Variants in PTN observed in about 807,000 individuals in gnomAD.
The protein encoded by PTN is heparin affin regulatory protein.
A neutral mutation model predicts 24.1 loss-of-function variants in PTN; 18 were observed. That is an observed-to-expected ratio of 0.75 (90% CI 0.52 to 1.11). PTN has a LOEUF of 1.11. Ranked by LOEUF, PTN falls within the 50% of genes least tolerant of loss-of-function variation. The pLI is 0.00. For synonymous variants in PTN, 78 were observed against 68.6 expected, an observed-to-expected ratio of 1.14 and a Z score of -0.67; for missense variants, 163 against 198.8, an observed-to-expected ratio of 0.82 and a Z score of 1.08.
chr7:137,290,121 G>A (rs1413285454), intron 1 of PTN, among the ~76,000 whole-genome samples: 1 of 152,138 alleles, frequency 6.6e-6, no homozygotes, highest in East Asian at 1.9e-4. Flanking sequence ...CAGCCAAAAA[G>A]AGAGAGCTCC....
chr7:137,279,588 C>A (rs894337465), intron 1 of PTN, among the ~76,000 whole-genome samples: 1 of 151,906 alleles, frequency 6.6e-6, no homozygotes, highest in Non-Finnish European at 1.5e-5. Context: ...CAGAAGTCAA[C>A]AATTAGTTAA....
At chr7:137,336,635 T>G (rs1285875505) in intron 1 of PTN, among the ~76,000 whole-genome samples, 1 of 152,184 alleles carries the variant, frequency 6.6e-6, no homozygotes, top group East Asian at 1.9e-4. Flanking sequence ...GGTATGAGCA[T>G]GTGGAGGGGC....
intron 1 of PTN, 63 bp downstream of exon 1, chr7:137,343,376 C>A: frequency 2.3e-6 from 1 of 435,926 alleles, no homozygotes; most frequent in Admixed American, 2.3e-5. Context: ...AGAAAAGTGG[C>A]ACAGGGTGAA....
At chr7:137,295,588 A>T (rs553509591) in intron 1 of PTN, among the ~76,000 whole-genome samples, 21 of 152,284 alleles carry the variant, frequency 1.4e-4, no homozygotes, top group African/African-American at 5.1e-4. Context: ...AAAAATGAAT[A>T]TAAAGTATAT....
chr7:137,264,032 T>A (rs540271001), intron 1 of PTN, among the ~76,000 whole-genome samples: 1 of 152,306 alleles, frequency 6.6e-6, no homozygotes, highest in Non-Finnish European at 1.5e-5. Flanking sequence ...CTTTCCTTTT[T>A]CTAGCTTTGC....
chr7:137,247,974 T>C (rs907579186), intron 4 of PTN, among the ~76,000 whole-genome samples: 3 of 152,194 alleles, frequency 2.0e-5, no homozygotes, highest in African/African-American at 4.8e-5. Context: ...GATATACTCC[T>C]GGTCAAGTAA....
chr7:137,246,265 A>G (rs1292335968), intron 4 of PTN, among the ~76,000 whole-genome samples: 5 of 152,216 alleles, frequency 3.3e-5, no homozygotes, highest in Non-Finnish European at 7.3e-5. Flanking sequence ...TTGTGTTACA[A>G]TAACCTACAG....
chr7:137,265,908 T>C (rs1406757976), intron 1 of PTN, among the ~76,000 whole-genome samples: 2 of 152,260 alleles, frequency 1.3e-5, no homozygotes, highest in East Asian at 1.9e-4. Flanking sequence ...CCTATTTTTA[T>C]TAGTTTTTAG....
At chr7:137,253,817 T>C in intron 2 of PTN, among the ~76,000 whole-genome samples, 180 bp from the exon 3 acceptor site, 1 of 152,146 alleles carries the variant, frequency 6.6e-6, no homozygotes, top group East Asian at 1.9e-4. Context: ...CAATGAATGA[T>C]CAAGAGAAGA....
intron 1 of PTN, among the ~76,000 whole-genome samples, chr7:137,331,030 T>C (rs1396943915): frequency 6.6e-6 from 1 of 152,220 alleles, no homozygotes; most frequent in Admixed American, 6.5e-5. Context: ...GGCTTCTATC[T>C]ATGGGATTCT....
chr7:137,268,105 T>TG (rs1297950603), intron 1 of PTN, among the ~76,000 whole-genome samples: 2 of 152,258 alleles, frequency 1.3e-5, no homozygotes, highest in African/African-American at 2.4e-5. Context: ...GGACTCCAAG[T>TG]GCCAAGTGCC....
intron 1 of PTN, among the ~76,000 whole-genome samples, chr7:137,270,712 G>T (rs1180742759): frequency 6.6e-6 from 1 of 152,186 alleles, no homozygotes; most frequent in Non-Finnish European, 1.5e-5. Context: ...CTTATATTTA[G>T]TGGGCAAGCT....
intron 4 of PTN, among the ~76,000 whole-genome samples, chr7:137,239,831 C>T (rs182123741): frequency 2.6e-5 from 4 of 152,226 alleles, no homozygotes; most frequent in Admixed American, 6.5e-5. Context: ...AACATGCCCT[C>T]GGTACAGCAT....
intron 1 of PTN, among the ~76,000 whole-genome samples, chr7:137,302,002 A>G (rs1476885663): frequency 6.6e-6 from 1 of 152,002 alleles, no homozygotes; most frequent in Non-Finnish European, 1.5e-5. Flanking sequence ...TCTTAAAAGC[A>G]TTCTTTTCAA....
intron 4 of PTN, among the ~76,000 whole-genome samples, chr7:137,250,862 G>C (rs1353144985): frequency 2.0e-5 from 3 of 152,176 alleles, no homozygotes; most frequent in Non-Finnish European, 2.9e-5. Context: ...GGAGAAGTTT[G>C]ATTTAAAATT....
intron 1 of PTN, among the ~76,000 whole-genome samples, chr7:137,307,723 T>C (rs1563219277): frequency 6.6e-6 from 1 of 152,120 alleles, no homozygotes; most frequent in Non-Finnish European, 1.5e-5. Flanking sequence ...GATTCTGAGA[T>C]TCAAGTTGAT....
At chr7:137,268,168 C>T (rs1809194776) in intron 1 of PTN, among the ~76,000 whole-genome samples, 1 of 152,070 alleles carries the variant, frequency 6.6e-6, no homozygotes, top group Admixed American at 6.5e-5. Flanking sequence ...GGGCCTGCCA[C>T]ACACGGCTCT....
At chr7:137,279,965 G>A (rs1809440063) in intron 1 of PTN, among the ~76,000 whole-genome samples, 1 of 152,140 alleles carries the variant, frequency 6.6e-6, no homozygotes, top group African/African-American at 2.4e-5. Flanking sequence ...TAAACTTATT[G>A]GACTTATCAA....
intron 1 of PTN, among the ~76,000 whole-genome samples, chr7:137,297,304 A>C (rs2128878018): frequency 6.6e-6 from 1 of 152,264 alleles, no homozygotes; most frequent in African/African-American, 2.4e-5. Flanking sequence ...GAGGTGGCGA[A>C]GCCACTGTGG....
Sources: allele counts gnomAD v4.1 joint callset (sites outside exome capture counted in the v4.1 genomes callset), GRCh38; gene constraint gnomAD v4.1.1; transcripts MANE v1.5; gene names NCBI Gene and HGNC (gene_info 2026-07-23, HGNC 2026-07-21).